Variants in WWOX observed in about 807,000 individuals in gnomAD.
The protein encoded by WWOX is WW domain-containing oxidoreductase.
WWOX carries 69 observed loss-of-function variants against 46.2 expected under a neutral mutation model. The ratio of observed to expected loss-of-function variants is 1.49; its 90% CI spans 1.23 to 1.82. The LOEUF (loss-of-function observed/expected upper bound fraction) is 1.82, where lower values mean the gene tolerates loss of function less well. Ranked by LOEUF, WWOX falls within the 40% of genes most tolerant of loss-of-function variation. The pLI, the probability that WWOX is intolerant of heterozygous loss-of-function variation, is 0.00. For synonymous variants in WWOX, 359 were observed against 202.6 expected, an observed-to-expected ratio of 1.77 and a Z score of -6.56; for missense variants, 919 against 542.6, an observed-to-expected ratio of 1.69 and a Z score of -6.89.
intron 6 of WWOX, among the ~76,000 whole-genome samples, chr16:78,423,117 C>A (rs934499535): frequency 6.6e-6 from 1 of 151,606 alleles, no homozygotes; most frequent in African/African-American, 2.4e-5. Flanking sequence ...GAACTTCTGA[C>A]CTCGTGATTT....
Position 78,364,808 on chromosome 16 carries a change from G to A in WWOX, c.517-22052G>A, listed in dbSNP as rs9939675. 2.0e-5 allele frequency among the ~76,000 whole-genome samples: 3 copies of A among 152,092 alleles called. No individual in the cohort carries two copies. The East Asian group carries it at 5.8e-4, about 29-fold the overall frequency. On this transcript the variant is annotated intron_variant, in intron 5 of 8. Coordinates refer to ENST00000566780, the MANE Select transcript of WWOX (RefSeq NM_016373.4). ...ACAGTGTAGCATCTGATTACAGATC[G>A]TGGGAGAGCAGGAGGGAACAAGGTG...
At chr16:78,689,662 A>G (rs1168562421) in intron 8 of WWOX, among the ~76,000 whole-genome samples, 9 of 152,112 alleles carry the variant, frequency 5.9e-5, no homozygotes, top group Non-Finnish European at 4.4e-5. Context: ...GGTTCCTTGT[A>G]GTAATTTGCA....
intron 8 of WWOX, among the ~76,000 whole-genome samples, chr16:79,128,934 G>T (rs1005677421): frequency 1.3e-5 from 2 of 152,184 alleles, no homozygotes; most frequent in Non-Finnish European, 2.9e-5. Flanking sequence ...TTGTTGCCCA[G>T]TGTGAAGGGA....
chr16:78,139,165 A>G (rs1482684588), intron 4 of WWOX, among the ~76,000 whole-genome samples: 8 of 152,216 alleles, frequency 5.3e-5, no homozygotes, highest in Admixed American at 5.2e-4. Flanking sequence ...TTGGTAGAAG[A>G]AAAGATTTAT....
intron 8 of WWOX, among the ~76,000 whole-genome samples, chr16:79,159,313 A>G (rs1597431562): frequency 6.6e-6 from 1 of 152,246 alleles, no homozygotes; most frequent in African/African-American, 2.4e-5. Flanking sequence ...AAATGAAATT[A>G]TAAAGCAGTG....
chr16:78,532,754 C>T (rs28578052), intron 8 of WWOX, among the ~76,000 whole-genome samples: 2,160 of 151,722 alleles, frequency 0.014, 23 homozygotes, highest in African/African-American at 0.027. Context: ...CCGTCAGATT[C>T]CTTGAGACTT....
chr16:78,257,075 C>T (rs2038151693), intron 5 of WWOX, among the ~76,000 whole-genome samples: 1 of 152,018 alleles, frequency 6.6e-6, no homozygotes, highest in African/African-American at 2.4e-5. Context: ...TGGGGTCGCC[C>T]CATGAACTTC....
intron 8 of WWOX, among the ~76,000 whole-genome samples, chr16:79,194,079 C>CTG (rs1288570181): frequency 2.0e-5 from 3 of 151,846 alleles, no homozygotes; most frequent in African/African-American, 7.3e-5. Flanking sequence ...GTGTGTGTGT[C>CTG]TGTGTGTGTG....
At chr16:78,656,975 G>C (rs1476372976) in intron 8 of WWOX, among the ~76,000 whole-genome samples, 3 of 152,150 alleles carry the variant, frequency 2.0e-5, no homozygotes, top group East Asian at 1.9e-4. Flanking sequence ...TGGAGTGTTA[G>C]GGTCTTCGGG....
At chr16:78,644,696 C>T (rs978124832) in intron 8 of WWOX, among the ~76,000 whole-genome samples, 2 of 152,214 alleles carry the variant, frequency 1.3e-5, no homozygotes, top group Non-Finnish European at 2.9e-5. Flanking sequence ...CTCCTGAACT[C>T]AAGTGATCTG....
chr16:78,148,630 G>A (rs2034289772), intron 4 of WWOX, among the ~76,000 whole-genome samples: 1 of 151,852 alleles, frequency 6.6e-6, no homozygotes. Context: ...GGGCAGAGTG[G>A]CTCACGCCTG....
chr16:78,422,756 T>TACACATATATATAC (rs2082971527), intron 6 of WWOX, among the ~76,000 whole-genome samples: 1 of 103,996 alleles, frequency 9.6e-6, no homozygotes, highest in Non-Finnish European at 1.6e-5. Flanking sequence ...TACACATATA[T>TACACATATATATAC]ACACATATAT....
At chr16:78,127,540 G>A (rs1203835872) in intron 4 of WWOX, among the ~76,000 whole-genome samples, 1 of 143,776 alleles carries the variant, frequency 7.0e-6, no homozygotes, top group Non-Finnish European at 1.5e-5. Context: ...CCACCGAGAC[G>A]AGGTTATTTT....
At position 78,702,039 on chromosome 16, in the gene WWOX, AT is replaced by A. The variant is rs1567501725; in HGVS notation, c.1056+269288del. On this transcript the variant is annotated intron_variant, in intron 8 of 8. Coordinates refer to ENST00000566780, the MANE Select transcript of WWOX (RefSeq NM_016373.4). The stretch of plus-strand genomic sequence containing the variant: ...TATATATATATATATATATATATAT[AT>A]ATATAAAATAATGCAGAAGTTTTAT... 1.5e-3 allele frequency among the ~76,000 whole-genome samples: 195 copies of A among 128,472 alleles called. 8 individuals carry two copies. Among genetic ancestry groups the A allele is most frequent in the African/African-American group, 5.3e-3 (157 of 29,706 alleles). 84.3% of individuals were successfully genotyped at this position (128,472 alleles called of 152,430 possible). A position where few individuals can be genotyped will look rare whatever the true frequency, so the allele number is the denominator to read the frequency against.
chr16:78,976,352 C>G (rs545805509), intron 8 of WWOX, among the ~76,000 whole-genome samples: 25 of 152,128 alleles, frequency 1.6e-4, no homozygotes, highest in Non-Finnish European at 2.5e-4. Flanking sequence ...CTCATGGTAC[C>G]TCAGGTCCTC....
intron 8 of WWOX, among the ~76,000 whole-genome samples, chr16:78,952,074 A>G (rs917736412): frequency 1.8e-4 from 27 of 152,136 alleles, no homozygotes; most frequent in African/African-American, 6.0e-4. Context: ...ATAACCTACA[A>G]TCCCTCGACC....
chr16:78,753,903 G>A (rs369820024), intron 8 of WWOX, among the ~76,000 whole-genome samples: 2 of 139,740 alleles, frequency 1.4e-5, no homozygotes, highest in African/African-American at 2.6e-5. Context: ...GAATTGAAGA[G>A]GCTATTCCAA....
At chr16:79,084,649 G>T (rs1406967872) in intron 8 of WWOX, among the ~76,000 whole-genome samples, 1 of 152,172 alleles carries the variant, frequency 6.6e-6, no homozygotes, top group Non-Finnish European at 1.5e-5. Flanking sequence ...TCCTGGCCTC[G>T]TGATGCACCC....
chr16:78,425,052 A>G lies in WWOX; in HGVS notation c.788A>G (p.His263Arg), dbSNP rs2083044768. The G allele has an allele frequency of 3.1e-6, 5 of 1,613,626 alleles. No homozygotes were observed. Among genetic ancestry groups the G allele is most frequent in the Admixed American group, 1.7e-5 (1 of 60,020 alleles). Residue 263 changes from histidine (H) to arginine (R), a missense_variant, in exon 7 of 9, where the codon CAT (histidine) becomes CGT (arginine). By Grantham distance (29) the His-to-Arg change is conservative. Transcript: ENST00000566780. The stretch of plus-strand genomic sequence containing the variant: ...GTCATTGTGGTCTCCTCAGAGTCCC[A>G]TCGGTGGGTTTGAATTGCATATTTG... ...ARVIVVSSES[H>R]RFTDINDSLG...
Sources: allele counts gnomAD v4.1 joint callset (sites outside exome capture counted in the v4.1 genomes callset), GRCh38; gene constraint gnomAD v4.1.1; transcripts MANE v1.5; gene names NCBI Gene and HGNC (gene_info 2026-07-23, HGNC 2026-07-21).